The following SCN10A variants were observed in gnomAD, a reference collection of about 807,000 sequenced individuals.
SCN10A encodes the protein sodium channel protein type 10 subunit alpha.
SCN10A carries 162 observed loss-of-function variants against 170.7 expected under a neutral mutation model. The ratio of observed to expected loss-of-function variants is 0.95; its 90% confidence interval spans 0.84 to 1.08. The LOEUF is 1.08. Among genes scored for constraint, SCN10A ranks in the 50% least tolerant of loss-of-function variants. The pLI is 0.00. For missense variants in SCN10A, 2,527 were observed against 2,436.9 expected (o/e 1.04, Z -0.78); for synonymous variants, 985 against 904.6 (o/e 1.09, Z -1.59).
intron 13 of SCN10A, among the ~76,000 whole-genome samples, chr3:38,748,200 T>A (rs6599252): frequency 0.2 from 30,673 of 152,132 alleles, 3,650 homozygotes; most frequent in East Asian, 0.4. Flanking sequence ...AAGAAACCTA[T>A]CTGGCCAAGA....
At chr3:38,795,626 T>A (rs1207798466) in intron 1 of SCN10A, among the ~76,000 whole-genome samples, 2 of 152,152 alleles carry the variant, frequency 1.3e-5, no homozygotes, top group African/African-American at 4.8e-5. Flanking sequence ...CTGTATATTT[T>A]GGCTACCATG....
Position 38,739,644 on chromosome 3 carries a change from A to G in SCN10A, c.2151T>C (p.Ile717=), listed in dbSNP as rs770939500. The G allele has an allele frequency of 6.2e-7, 1 of 1,614,150 alleles. No individual in the cohort carries two copies. The highest frequency in any genetic ancestry group is 8.5e-7 in the Non-Finnish European group (1 of 1,179,978). Residue 717 remains isoleucine, a synonymous_variant, in exon 15 of 28, where the codon ATT becomes ATC. Coordinates refer to ENST00000449082, the MANE Select transcript of SCN10A (RefSeq NM_006514.4). ...GGAAATAATAGTATGGGTCGAAGGCAATGATTTTGAAGACCATTTCAGCAG... is the reference window on the plus strand; with the variant it reads ...GGAAATAATAGTATGGGTCGAAGGCGATGATTTTGAAGACCATTTCAGCAG... ...FFTAEMVFKI[I]AFDPYYYFQK... is the part of the protein sequence containing the mutation.
intron 15 of SCN10A, 34 bp from the exon 16 acceptor site, chr3:38,728,935 G>A (rs901620326): frequency 3.8e-6 from 6 of 1,569,666 alleles, no homozygotes; most frequent in African/African-American, 1.4e-5. Flanking sequence ...GGTTTTGGTA[G>A]CTGTGCTCAT....
intron 4 of SCN10A, among the ~76,000 whole-genome samples, chr3:38,774,297 G>A (rs932709916): frequency 6.6e-6 from 1 of 152,076 alleles, no homozygotes; most frequent in Non-Finnish European, 1.5e-5. Context: ...GATATTTCTG[G>A]TTTGTCAAAT....
Position 38,722,242 on chromosome 3 carries a change from C to G in SCN10A, c.3507+16G>C, listed in dbSNP as rs200610228. ...TATCTGGAGGATTTGGGGGCAGGGA[C>G]TATGCCTCCCCTTACCAGAGATCCA... On this transcript the variant is annotated intron_variant, in intron 20 of 27. Coordinates refer to ENST00000449082, the MANE Select transcript of SCN10A (RefSeq NM_006514.4). 1.2e-4 allele frequency: 187 copies of G among 1,610,472 alleles called. 1 individual carries two copies. In the East Asian group the frequency reaches 4.1e-3, roughly 36 times the overall value.
At chr3:38,772,334 A>AAG (rs1553623407) in intron 4 of SCN10A, among the ~76,000 whole-genome samples, 4 of 150,956 alleles carry the variant, frequency 2.6e-5, no homozygotes, top group Admixed American at 6.6e-5. Context: ...AAAAAAAAAA[A>AAG]AAAAGAAAAG....
chr3:38,773,094 G>T (rs1034693483), intron 4 of SCN10A, among the ~76,000 whole-genome samples: 8 of 152,146 alleles, frequency 5.3e-5, no homozygotes, highest in Admixed American at 2.0e-4. Context: ...TAATACAGAA[G>T]TCTTTCCCTA....
chr3:38,756,491 C>T (rs1234076017), intron 10 of SCN10A, among the ~76,000 whole-genome samples, 183 bp downstream of exon 10: 1 of 152,216 alleles, frequency 6.6e-6, no homozygotes, highest in Admixed American at 6.5e-5. Flanking sequence ...CAATAGGTCA[C>T]TTGCACAAGA....
chr3:38,780,167 T>C (rs1463156612), intron 4 of SCN10A, among the ~76,000 whole-genome samples: 1 of 152,036 alleles, frequency 6.6e-6, no homozygotes, highest in Non-Finnish European at 1.5e-5. Context: ...ATAAATATTG[T>C]TGCCATCTTA....
chr3:38,794,656 T>C lies in SCN10A; in HGVS notation c.-32-614A>G, dbSNP rs557472446. Among the ~76,000 whole-genome samples the C allele has an allele frequency of 2.6e-5, 4 of 152,252 alleles. No individual in the cohort carries two copies. In the South Asian group the frequency reaches 8.3e-4, roughly 32 times the overall value. ...TGTGGTCCACAATTTTGCCACTCCC[T>C]CACCCTTATCCTAAATCCCAAGGCT... On this transcript the variant is annotated intron_variant, in intron 1 of 27. Transcript: ENST00000449082.
chr3:38,761,802 C>T (rs556235464), intron 6 of SCN10A, among the ~76,000 whole-genome samples: 1 of 149,840 alleles, frequency 6.7e-6, no homozygotes, highest in Admixed American at 6.6e-5. Context: ...ACACATGAAC[C>T]TCACTGTGTG....
At chr3:38,722,570 G>A (rs1435800398) in intron 19 of SCN10A, among the ~76,000 whole-genome samples, 158 bp from the exon 20 acceptor site, 1 of 152,182 alleles carries the variant, frequency 6.6e-6, no homozygotes, top group Non-Finnish European at 1.5e-5. Flanking sequence ...GTCCCTTCCA[G>A]GGAGTCCCTC....
At chr3:38,757,698 AAAGAAGTCAG>A (rs2063824107) in intron 8 of SCN10A, among the ~76,000 whole-genome samples, 1 of 152,250 alleles carries the variant, frequency 6.6e-6, no homozygotes, top group Admixed American at 6.5e-5. Flanking sequence ...TGGGGGTCAG[AAAGAAGTCAG>A]TTGCCTAAAA....
Position 38,697,882 on chromosome 3 carries a change from GT to G in SCN10A, c.5337del (p.Lys1779AsnfsTer7), listed in dbSNP as rs781720615. 28 of 1,613,966 alleles carry G rather than the reference GT, an allele frequency of 1.7e-5. No individual in the cohort carries two copies. Among genetic ancestry groups the G allele is most frequent in the Non-Finnish European group, 2.4e-5 (28 of 1,180,028 alleles). Reference protein sequence around the residue: ...DTLSGPLRIPKPNRNILIQMD... With the variant: ...DTLSGPLRIPXPNRNILIQMD... ...ATCTGGATCAGTATATTTCGATTGG[GT>G]TTTGGGATTCTCAGGGGACCAGAGA... is the stretch of plus-strand genomic sequence containing the variant. On this transcript the variant is annotated frameshift_variant, in exon 28 of 28. Coordinates refer to ENST00000449082, the MANE Select transcript of SCN10A (RefSeq NM_006514.4). LOFTEE classifies it high-confidence loss of function.
At chr3:38,809,231 T>C (rs2064424423) in intron 1 of SCN10A, among the ~76,000 whole-genome samples, 1 of 152,216 alleles carries the variant, frequency 6.6e-6, no homozygotes, top group African/African-American at 2.4e-5. Flanking sequence ...GATTGGTCTG[T>C]TTAGTTGCTT....
chr3:38,697,878 T>C lies in SCN10A; in HGVS notation c.5342A>G (p.Asn1781Ser), dbSNP rs372368062. ...GTCCATCTGGATCAGTATATTTCGA[T>C]TGGGTTTTGGGATTCTCAGGGGACC... is the stretch of plus-strand genomic sequence containing the variant. ...LSGPLRIPKP[N>S]RNILIQMDLP... The change falls in exon 28 of 28, where the codon AAT becomes AGT. Residue 1781 changes from asparagine (N) to serine (S), a missense_variant. Transcript: ENST00000449082. 4.2e-5 allele frequency: 68 copies of C among 1,613,848 alleles called. 1 individual carries two copies. The highest frequency in any genetic ancestry group is 2.3e-4 in the South Asian group (21 of 91,064).
intron 22 of SCN10A, among the ~76,000 whole-genome samples, chr3:38,713,698 T>C (rs1476242139): frequency 2.0e-5 from 3 of 152,082 alleles, no homozygotes; most frequent in Non-Finnish European, 4.4e-5. Context: ...AGAAGTTTTT[T>C]GTTTGTTTTT....
intron 8 of SCN10A, 119 bp from the exon 9 acceptor site, chr3:38,757,278 A>AATG: frequency 1.0e-6 from 1 of 971,988 alleles, no homozygotes; most frequent in Non-Finnish European, 1.5e-6. Flanking sequence ...TCTTCCTCTT[A>AATG]TTAGCAGGAT....
At chr3:38,778,550 G>T (rs1473950257) in intron 4 of SCN10A, among the ~76,000 whole-genome samples, 1 of 151,902 alleles carries the variant, frequency 6.6e-6, no homozygotes, top group African/African-American at 2.4e-5. Context: ...ATTATCAGCA[G>T]GTAATTGTGC....
Sources: gnomAD v4.1 joint callset for allele counts (sites outside exome capture counted in the v4.1 genomes callset) on GRCh38, gnomAD v4.1.1 for gene constraint, MANE v1.5 for transcripts, NCBI Gene and HGNC (gene_info 2026-07-23, HGNC 2026-07-21) for gene names.